The following RYR2 variants were observed in gnomAD, a reference collection of about 807,000 sequenced individuals.
The protein encoded by RYR2 is ryanodine receptor 2.
A neutral mutation model predicts 601.1 loss-of-function variants in RYR2; 227 were observed. That is an observed-to-expected ratio of 0.38 (90% CI 0.34 to 0.42). The LOEUF (loss-of-function observed/expected upper bound fraction) is 0.42, where lower values mean the gene tolerates loss of function less well. Among genes scored for constraint, RYR2 ranks in the 10% least tolerant of loss-of-function variants. The pLI is 1.00. For synonymous variants in RYR2, 2,223 were observed against 2,175.1 expected, an observed-to-expected ratio of 1.02 and a Z score of -0.61; for missense variants, 4,646 against 6,156.5, an observed-to-expected ratio of 0.75 and a Z score of 8.21.
intron 10 of RYR2, among the ~76,000 whole-genome samples, chr1:237,408,653 G>A (rs187007242): frequency 1.6e-4 from 24 of 151,944 alleles, no homozygotes; most frequent in African/African-American, 5.6e-4. Context: ...TATTGTGTTG[G>A]CTCTTCTATG....
At chr1:237,677,459 T>C (rs1303231190) in intron 60 of RYR2, among the ~76,000 whole-genome samples, 2 of 152,222 alleles carry the variant, frequency 1.3e-5, no homozygotes, top group Non-Finnish European at 2.9e-5. Context: ...GAAAATTATC[T>C]TTTGACATAG....
intron 29 of RYR2, 59 bp from the exon 30 acceptor site, chr1:237,589,734 C>G (rs2148429795): frequency 6.6e-7 from 1 of 1,511,452 alleles, no homozygotes; most frequent in African/African-American, 1.4e-5. Flanking sequence ...TTTGATAATT[C>G]TATACTAACA....
intron 1 of RYR2, among the ~76,000 whole-genome samples, chr1:237,248,823 G>A (rs986918553): frequency 8.1e-5 from 12 of 148,390 alleles, no homozygotes; most frequent in African/African-American, 1.2e-4. Flanking sequence ...GTGCAATGGC[G>A]TGATCTCAGC....
At chr1:237,785,117 C>A (rs1162244855) in intron 90 of RYR2, 145 bp downstream of exon 90, 18 of 683,836 alleles carry the variant, frequency 2.6e-5, no homozygotes, top group Non-Finnish European at 4.6e-5. Flanking sequence ...TTTTGGTAGA[C>A]AAAGTTAGTG....
At chr1:237,466,159 T>C (rs923137288) in intron 16 of RYR2, among the ~76,000 whole-genome samples, 4 of 152,082 alleles carry the variant, frequency 2.6e-5, no homozygotes, top group Non-Finnish European at 4.4e-5. Context: ...ATGTATAAAA[T>C]TGTTGTGTTT....
chr1:237,739,673 C>T (rs893701840), intron 79 of RYR2, among the ~76,000 whole-genome samples: 1 of 152,194 alleles, frequency 6.6e-6, no homozygotes, highest in African/African-American at 2.4e-5. Flanking sequence ...ATGCTGCGGT[C>T]ACATTCTTAT....
At chr1:237,609,879 A>G (rs1258000569) in intron 35 of RYR2, among the ~76,000 whole-genome samples, 2 of 152,166 alleles carry the variant, frequency 1.3e-5, no homozygotes, top group Non-Finnish European at 2.9e-5. Flanking sequence ...ATATGAGGGC[A>G]GGGGTTTTGT....
In RYR2 at chr1:237,717,343, C is replaced by A. The variant is rs1558279783; in HGVS notation, c.10469C>A (p.Ala3490Asp). The A allele has an allele frequency of 6.2e-7, 1 of 1,607,140 alleles. No homozygotes were observed. The highest frequency in any genetic ancestry group is 8.5e-7 in the Non-Finnish European group (1 of 1,175,998). The change falls in exon 72 of 105, where the codon GCT (alanine) becomes GAT (aspartate). Residue 3490 changes from alanine (A) to aspartate (D), a missense_variant. Coordinates refer to ENST00000366574, the MANE Select transcript of RYR2 (RefSeq NM_001035.3). ...ICAPGDQELIALAKNRFSLKD... is the reference protein window; with the variant it reads ...ICAPGDQELIDLAKNRFSLKD... ...GCCCCTGGGGACCAGGAGCTCATTG[C>A]TCTGGCCAAAAATCGATTTAGCCTG...
chr1:237,666,393 C>T (rs1684329803), intron 56 of RYR2, 119 bp from the exon 57 acceptor site: 7 of 790,082 alleles, frequency 8.9e-6, no homozygotes, highest in African/African-American at 1.8e-5. Context: ...TAGAAACTTG[C>T]CAGTTTTATC....
chr1:237,825,832 A>T (rs12024181), intron 101 of RYR2, among the ~76,000 whole-genome samples: 42,262 of 152,082 alleles, frequency 0.28, 6,458 homozygotes, highest in Middle Eastern at 0.43. Flanking sequence ...AATAAAACAA[A>T]CAACCCCATC....
At chr1:237,190,029 C>T (rs757252900) in intron 1 of RYR2, among the ~76,000 whole-genome samples, 5 of 151,904 alleles carry the variant, frequency 3.3e-5, no homozygotes, top group Admixed American at 6.6e-5. Context: ...CCTACCACCA[C>T]GCCCAGCTAA....
chr1:237,075,322 C>T (rs1013336309), intron 1 of RYR2, among the ~76,000 whole-genome samples: 2 of 151,404 alleles, frequency 1.3e-5, no homozygotes, highest in African/African-American at 2.4e-5. Context: ...CCAGCGTGAG[C>T]GACGCAGAAG....
At chr1:237,333,537 G>T in intron 3 of RYR2, 1 of 452,998 alleles carries the variant, frequency 2.2e-6, no homozygotes, top group Admixed American at 2.4e-5. Context: ...AGCACTGTGG[G>T]GACTTGCGGC....
At chr1:237,404,527 A>C (rs1055128323) in intron 10 of RYR2, among the ~76,000 whole-genome samples, 1 of 152,218 alleles carries the variant, frequency 6.6e-6, no homozygotes, top group African/African-American at 2.4e-5. Context: ...AGAAACCTGG[A>C]GTAGGACAAA....
At chr1:237,538,127 C>A (rs1006747481) in intron 25 of RYR2, among the ~76,000 whole-genome samples, 1 of 151,920 alleles carries the variant, frequency 6.6e-6, no homozygotes, top group East Asian at 1.9e-4. Context: ...CAGTGGCTTA[C>A]GCCTGTAATC....
At chr1:237,294,047 G>A (rs781452634) in intron 2 of RYR2, among the ~76,000 whole-genome samples, 2 of 151,996 alleles carry the variant, frequency 1.3e-5, no homozygotes, top group East Asian at 1.9e-4. Context: ...CACCTCTTTC[G>A]AACAAAAAAG....
At chr1:237,739,101 A>G (rs1186966967) in intron 79 of RYR2, among the ~76,000 whole-genome samples, 1 of 152,374 alleles carries the variant, frequency 6.6e-6, no homozygotes, top group South Asian at 2.1e-4. Flanking sequence ...CTGAAACAAA[A>G]GAGCTGATGA....
intron 18 of RYR2, among the ~76,000 whole-genome samples, chr1:237,492,622 C>T (rs1055870579): frequency 1.9e-4 from 29 of 151,996 alleles, no homozygotes; most frequent in African/African-American, 7.0e-4. Context: ...GGGAGGGTTG[C>T]TTGAGGCCAG....
chr1:237,464,180 C>A (rs1364728359), intron 16 of RYR2, among the ~76,000 whole-genome samples: 1 of 152,102 alleles, frequency 6.6e-6, no homozygotes, highest in African/African-American at 2.4e-5. Context: ...CATCTTGCTC[C>A]AAATTCCAGG....
Sources: gnomAD v4.1 joint callset for allele counts (sites outside exome capture counted in the v4.1 genomes callset) on GRCh38, gnomAD v4.1.1 for gene constraint, MANE v1.5 for transcripts, NCBI Gene and HGNC (gene_info 2026-07-23, HGNC 2026-07-21) for gene names.